The following RAB3GAP2 variants were observed in gnomAD, a reference collection of about 807,000 sequenced individuals.
The protein encoded by RAB3GAP2 is RAB3 GTPase activating non-catalytic protein subunit 2.
Under a neutral mutation model 185.3 loss-of-function variants are expected in RAB3GAP2, and 87 were observed. The observed-to-expected ratio is 0.47, with a 90% CI of 0.39 to 0.56. The LOEUF is 0.56. Ranked by LOEUF, RAB3GAP2 falls within the 20% of genes least tolerant of loss-of-function variation. RAB3GAP2 has a pLI of 0.00. For missense variants in RAB3GAP2, 1,492 were observed against 1,638.2 expected, an observed-to-expected ratio of 0.91 and a Z score of 1.54; for synonymous variants, 554 against 576.1, an observed-to-expected ratio of 0.96 and a Z score of 0.55.
At chr1:220,236,052 T>C (rs967169190) in intron 1 of RAB3GAP2, among the ~76,000 whole-genome samples, 3 of 152,256 alleles carry the variant, frequency 2.0e-5, no homozygotes, top group Non-Finnish European at 2.9e-5. Context: ...ATATTTTTTG[T>C]AGGTTGCTCT....
chr1:220,153,725 A>T (rs1288466192), intron 32 of RAB3GAP2: 1 of 461,062 alleles, frequency 2.2e-6, no homozygotes, highest in Non-Finnish European at 3.9e-6. Flanking sequence ...TACATTAGGT[A>T]TATCTCCTAA....
intron 2 of RAB3GAP2, among the ~76,000 whole-genome samples, chr1:220,231,178 C>T (rs1659494554): frequency 6.6e-6 from 1 of 152,166 alleles, no homozygotes. Context: ...TCTTCTCTGC[C>T]CCATCTTGGA....
intron 1 of RAB3GAP2, among the ~76,000 whole-genome samples, chr1:220,262,758 C>T (rs1325746077): frequency 6.6e-6 from 1 of 152,188 alleles, no homozygotes; most frequent in Non-Finnish European, 1.5e-5. Context: ...CTACTGTGAA[C>T]TGTCTATGAA....
chr1:220,272,155 G>C (rs1660347203), intron 1 of RAB3GAP2, 68 bp downstream of exon 1: 3 of 1,323,568 alleles, frequency 2.3e-6, no homozygotes, highest in African/African-American at 2.9e-5. Flanking sequence ...GCGAGTAGGA[G>C]ACTCGAACCC....
At chr1:220,221,225 C>T (rs1473573551) in intron 2 of RAB3GAP2, among the ~76,000 whole-genome samples, 1 of 152,064 alleles carries the variant, frequency 6.6e-6, no homozygotes, top group African/African-American at 2.4e-5. Flanking sequence ...CTCCAGGGAA[C>T]TTGTTCTTTT....
rs2102854392 is a variant in RAB3GAP2, at chr1:220,162,207, T to C, written c.3216A>G (p.Leu1072=). Reference sequence around the variant, plus strand: ...CATGAAACTACCTTACCTTATCCATTAAGTATGTAGCAGCAGAAAATCTTT... The same window carrying C: ...CATGAAACTACCTTACCTTATCCATCAAGTATGTAGCAGCAGAAAATCTTT... ...LVKRFSAATY[L]MDKVGKSPKD... Residue 1072 remains leucine (L), a synonymous_variant, in exon 28 of 35, where the codon TTA becomes TTG. Transcript: ENST00000358951. 6.4e-7 allele frequency: 1 copy of C among 1,570,974 alleles called. No individual in the cohort carries two copies. The highest frequency in any genetic ancestry group is 8.8e-7 in the Non-Finnish European group (1 of 1,141,044).
chr1:220,153,906 G>T (rs1445152570), intron 32 of RAB3GAP2, 62 bp downstream of exon 32: 1 of 1,603,226 alleles, frequency 6.2e-7, no homozygotes, highest in Non-Finnish European at 8.5e-7. Flanking sequence ...AAGCCAGCTA[G>T]ATTTTTCCCT....
chr1:220,256,192 C>T (rs918161766), intron 1 of RAB3GAP2, among the ~76,000 whole-genome samples: 4 of 152,218 alleles, frequency 2.6e-5, no homozygotes, highest in African/African-American at 7.2e-5. Context: ...GATCCTTTTC[C>T]GATAGGCAAA....
At chr1:220,234,464 A>G (rs1225146286) in intron 1 of RAB3GAP2, among the ~76,000 whole-genome samples, 3 of 151,878 alleles carry the variant, frequency 2.0e-5, no homozygotes, top group African/African-American at 7.2e-5. Flanking sequence ...AATCTTCTGT[A>G]CTTAAATGCC....
chr1:220,178,260 T>C (rs1261723650), intron 21 of RAB3GAP2, among the ~76,000 whole-genome samples: 1 of 151,988 alleles, frequency 6.6e-6, no homozygotes, highest in East Asian at 1.9e-4. Context: ...GCTGAGGGAA[T>C]TTACTGCTAT....
At chr1:220,178,047 G>C (rs1293368237) in intron 21 of RAB3GAP2, among the ~76,000 whole-genome samples, 1 of 152,228 alleles carries the variant, frequency 6.6e-6, no homozygotes, top group East Asian at 1.9e-4. Context: ...AACAGCAGGA[G>C]AATAGAAGCA....
rs774341197 is a variant in RAB3GAP2 at position 220,159,397 on chromosome 1, A to T, written c.3250T>A (p.Leu1084Ile). The part of the protein sequence containing the change: ...DKVGKSPKDR[L>I]CRRDVGMSDT... The stretch of plus-strand genomic sequence containing the variant: ...GGAGATTCACTTACCCTTCGGCATA[A>T]CCTATCTTTTGGTGATTTTCCAACC... The change falls in exon 29 of 35, where the codon TTA becomes ATA. Residue 1084 changes from leucine to isoleucine, a missense_variant. By Grantham distance (5) the Leu-to-Ile change is conservative. Around this residue, in one of 5 missense-constraint regions of RAB3GAP2, gnomAD observed 387 missense variants for 455.3 expected, o/e 0.85. Transcript: ENST00000358951. 3.1e-6 allele frequency: 5 copies of T among 1,605,542 alleles called. No individual in the cohort carries two copies. The Admixed American group carries it at 8.3e-5, about 27-fold the overall frequency.
At chr1:220,189,567 G>A in intron 17 of RAB3GAP2, 136 bp downstream of exon 17, 1 of 744,540 alleles carries the variant, frequency 1.3e-6, no homozygotes, top group Non-Finnish European at 1.9e-6. Flanking sequence ...TGAAAATAAA[G>A]AAAGGGATAA....
At chr1:220,159,992 G>A (rs748162128) in intron 28 of RAB3GAP2, among the ~76,000 whole-genome samples, 20 of 151,488 alleles carry the variant, frequency 1.3e-4, no homozygotes, top group East Asian at 3.9e-4. Context: ...ACTCCAGCCC[G>A]GGCAACAGAG....
chr1:220,188,144 G>A (rs1342232402), intron 17 of RAB3GAP2, among the ~76,000 whole-genome samples: 3 of 150,920 alleles, frequency 2.0e-5, no homozygotes, highest in East Asian at 2.0e-4. Flanking sequence ...CAGAAGTGTC[G>A]AGTGACTGTG....
chr1:220,253,500 G>A, intron 1 of RAB3GAP2: 1 of 1,535,268 alleles, frequency 6.5e-7, no homozygotes, highest in Non-Finnish European at 8.8e-7. Context: ...CGCGGAGTTG[G>A]GTGGGGTAGA....
chr1:220,254,972 G>A (rs1244721023), intron 1 of RAB3GAP2, among the ~76,000 whole-genome samples: 2 of 146,122 alleles, frequency 1.4e-5, no homozygotes, highest in African/African-American at 5.1e-5. Context: ...TTTTTTTATG[G>A]TGCTTAAAGT....
intron 1 of RAB3GAP2, among the ~76,000 whole-genome samples, chr1:220,259,664 T>C (rs1429131319): frequency 6.6e-6 from 1 of 152,122 alleles, no homozygotes; most frequent in Non-Finnish European, 1.5e-5. Context: ...AGCAATACCA[T>C]TCAGGACATA....
chr1:220,196,228 T>TG (rs1214996179), intron 10 of RAB3GAP2, 22 bp downstream of exon 10: 6 of 1,609,406 alleles, frequency 3.7e-6, no homozygotes, highest in Middle Eastern at 1.6e-4. Context: ...GCCTTACTCA[T>TG]GATCATTGAT....
Sources: gnomAD v4.1 joint callset for allele counts (sites outside exome capture counted in the v4.1 genomes callset) on GRCh38, gnomAD v4.1.1 for gene constraint, gnomAD v4.1.1 regional missense constraint, MANE v1.5 for transcripts, NCBI Gene and HGNC (gene_info 2026-07-23, HGNC 2026-07-21) for gene names.